The following SOX5 variants were observed in gnomAD, a reference collection of about 807,000 sequenced individuals.
SOX5 encodes the protein transcription factor SOX-5.
A neutral mutation model predicts 92.0 loss-of-function variants in SOX5; 9 were observed. The ratio of observed to expected loss-of-function variants is 0.10; its 90% CI spans 0.06 to 0.17. The LOEUF is 0.17. SOX5 is among the 10% of genes least tolerant of loss of function. SOX5 has a pLI of 1.00. For synonymous variants in SOX5, 344 were observed against 336.3 expected, an observed-to-expected ratio of 1.02 and a Z score of -0.25; for missense variants, 642 against 944.5, an observed-to-expected ratio of 0.68 and a Z score of 4.20.
At chr12:24,199,894 T>C (rs750964188) in intron 4 of SOX5, among the ~76,000 whole-genome samples, 15 of 152,062 alleles carry the variant, frequency 9.9e-5, no homozygotes, top group Non-Finnish European at 1.9e-4. Context: ...ACATTTATTC[T>C]GACAGAAGTA....
At chr12:23,913,172 T>C (rs1380524856) in intron 1 of SOX5, among the ~76,000 whole-genome samples, 4 of 152,314 alleles carry the variant, frequency 2.6e-5, no homozygotes, top group African/African-American at 7.2e-5. Flanking sequence ...ATTTTCATTG[T>C]TAATTAAAAG....
intron 1 of SOX5, among the ~76,000 whole-genome samples, chr12:24,431,502 A>G (rs922931495): frequency 4.3e-4 from 66 of 152,190 alleles, no homozygotes; most frequent in African/African-American, 1.5e-3. Flanking sequence ...AGAACTAAAC[A>G]TATCTATCAC....
rs116886768 is a variant in SOX5 at position 24,319,001 on chromosome 12, C to T, written c.-173-41689G>A. On this transcript the variant is annotated intron_variant, in intron 2 of 4. Coordinates refer to the SOX5 transcript ENST00000446891. ...CAAAACTGGGGCCACAAGGCATATCCTCCTTCCACACAGAATGACTTGCCT... is the reference window on the plus strand; with the variant it reads ...CAAAACTGGGGCCACAAGGCATATCTTCCTTCCACACAGAATGACTTGCCT... Among the ~76,000 whole-genome samples the T allele has an allele frequency of 5.6e-4, 85 of 152,302 alleles. 1 individual carries two copies. In the East Asian group the frequency reaches 0.014, roughly 25 times the overall value.
intron 4 of SOX5, among the ~76,000 whole-genome samples, chr12:23,977,506 C>T (rs1375542385): frequency 2.0e-5 from 3 of 152,042 alleles, no homozygotes; most frequent in Non-Finnish European, 4.4e-5. Flanking sequence ...CCCATCTCTA[C>T]TAAAGAATTA....
At chr12:23,617,512 G>T (rs529077994) in intron 8 of SOX5, among the ~76,000 whole-genome samples, 2 of 152,186 alleles carry the variant, frequency 1.3e-5, no homozygotes, top group South Asian at 4.1e-4. Context: ...TTTTTCTATT[G>T]CAAATTCAGT....
At chr12:24,089,044 T>C (rs1944338652) in intron 4 of SOX5, among the ~76,000 whole-genome samples, 1 of 152,102 alleles carries the variant, frequency 6.6e-6, no homozygotes. Flanking sequence ...ATAACACCAG[T>C]TATATACTCC....
chr12:23,802,268 G>T (rs920344334), intron 3 of SOX5, among the ~76,000 whole-genome samples: 2 of 151,904 alleles, frequency 1.3e-5, no homozygotes, highest in African/African-American at 4.8e-5. Context: ...TTTTAGTAGA[G>T]ACGGGGTTTC....
chr12:23,987,412 G>A (rs1473255874), intron 4 of SOX5, among the ~76,000 whole-genome samples: 1 of 152,174 alleles, frequency 6.6e-6, no homozygotes, highest in African/African-American at 2.4e-5. Context: ...AACTTGATGT[G>A]TTGGAGATAC....
intron 8 of SOX5, among the ~76,000 whole-genome samples, chr12:23,613,040 T>TGAGTTTAAA (rs113786281): frequency 0.016 from 2,402 of 152,258 alleles, 84 homozygotes; most frequent in African/African-American, 0.054. Flanking sequence ...CATAGCAACT[T>TGAGTTTAAA]GAGTTTAAAC....
intron 1 of SOX5, among the ~76,000 whole-genome samples, chr12:24,435,914 T>C (rs894100212): frequency 1.3e-5 from 2 of 152,332 alleles, no homozygotes; most frequent in South Asian, 2.1e-4. Context: ...TTCATTATTA[T>C]TATGTGTGAT....
At chr12:23,660,026 G>A (rs918905614) in intron 7 of SOX5, among the ~76,000 whole-genome samples, 2 of 152,122 alleles carry the variant, frequency 1.3e-5, no homozygotes, top group African/African-American at 2.4e-5. Flanking sequence ...GTAAGGCTAA[G>A]GTTGTATTAA....
intron 2 of SOX5, among the ~76,000 whole-genome samples, chr12:24,310,324 A>G (rs1242553617): frequency 1.3e-5 from 2 of 152,182 alleles, no homozygotes; most frequent in African/African-American, 4.8e-5. Flanking sequence ...TGAATGTTAC[A>G]TGTGTTATGT....
intron 8 of SOX5, among the ~76,000 whole-genome samples, chr12:23,620,179 A>T (rs559886867): frequency 4.6e-5 from 7 of 152,138 alleles, no homozygotes; most frequent in African/African-American, 1.4e-4. Context: ...AACTGGCAGA[A>T]AAACTACGTG....
At chr12:23,916,483 T>C (rs909366688) in intron 1 of SOX5, among the ~76,000 whole-genome samples, 2 of 152,126 alleles carry the variant, frequency 1.3e-5, no homozygotes, top group African/African-American at 2.4e-5. Flanking sequence ...ATATGGACTG[T>C]CTCCCCTCAG....
At chr12:23,877,891 G>A (rs933349026) in intron 2 of SOX5, among the ~76,000 whole-genome samples, 2 of 151,628 alleles carry the variant, frequency 1.3e-5, no homozygotes, top group African/African-American at 2.4e-5. Flanking sequence ...TCATTTATTA[G>A]TATATAAAAA....
At chr12:23,933,224 C>G (rs1321294938) in intron 1 of SOX5, among the ~76,000 whole-genome samples, 3 of 151,662 alleles carry the variant, frequency 2.0e-5, no homozygotes, top group Non-Finnish European at 4.4e-5. Flanking sequence ...AGCCATCCTG[C>G]TCCAGCTAAC....
At chr12:23,594,277 ATATCTATTGTCTC>A (rs1298373258) in intron 9 of SOX5, among the ~76,000 whole-genome samples, 1 of 151,938 alleles carries the variant, frequency 6.6e-6, no homozygotes, top group Non-Finnish European at 1.5e-5. Context: ...TTCTTCAACT[ATATCTATTGTCTC>A]TATCTACATT....
Position 24,197,524 on chromosome 12 carries a change from T to C in SOX5, c.-2+15819A>G, listed in dbSNP as rs916614873. Reference sequence around the variant, plus strand: ...CCAATACCCCTTCCCTGGCTCCTGCTTGACAAACAGCACCCTGCTTACAGC... The same window carrying C: ...CCAATACCCCTTCCCTGGCTCCTGCCTGACAAACAGCACCCTGCTTACAGC... On this transcript the variant is annotated intron_variant, in intron 4 of 4. Coordinates refer to the SOX5 transcript ENST00000446891. Among the ~76,000 whole-genome samples, 10 of 152,308 alleles carry C rather than the reference T, an allele frequency of 6.6e-5. No individual in the cohort carries two copies. The East Asian group carries it at 1.9e-3, about 29-fold the overall frequency.
chr12:23,794,794 AC>A (rs2095534799), intron 3 of SOX5, among the ~76,000 whole-genome samples: 1 of 152,162 alleles, frequency 6.6e-6, no homozygotes, highest in South Asian at 2.1e-4. Flanking sequence ...GTTTAGGTCT[AC>A]AAAAGAAAAT....
Sources: allele counts gnomAD v4.1 joint callset (sites outside exome capture counted in the v4.1 genomes callset), GRCh38; gene constraint gnomAD v4.1.1; transcripts MANE v1.5; gene names NCBI Gene and HGNC (gene_info 2026-07-23, HGNC 2026-07-21).